The following RABGAP1L variants were observed in gnomAD, a reference collection of about 807,000 sequenced individuals.
The protein encoded by RABGAP1L is RAB GTPase activating protein 1 like.
RABGAP1L carries 63 observed loss-of-function variants against 137.7 expected under a neutral mutation model. The observed-to-expected ratio is 0.46, with a 90% CI of 0.37 to 0.56. The LOEUF (loss-of-function observed/expected upper bound fraction) is 0.56. RABGAP1L is among the 20% of genes least tolerant of loss of function. The pLI, the probability that RABGAP1L is intolerant of heterozygous loss-of-function variation, is 0.00. For synonymous variants in RABGAP1L, 431 were observed against 433.7 expected (o/e 0.99, Z 0.08); for missense variants, 1,095 against 1,244.0 (o/e 0.88, Z 1.80).
At chr1:174,830,047 A>C (rs1441166308) in intron 19 of RABGAP1L, among the ~76,000 whole-genome samples, 1 of 148,106 alleles carries the variant, frequency 6.8e-6, no homozygotes, top group African/African-American at 2.5e-5. Context: ...GGTAGCATTC[A>C]ACTGTTGGAA....
At chr1:174,611,568 A>G (rs1384126941) in intron 13 of RABGAP1L, among the ~76,000 whole-genome samples, 6 of 149,378 alleles carry the variant, frequency 4.0e-5, no homozygotes, top group Non-Finnish European at 7.4e-5. Flanking sequence ...TGAACTTTAA[A>G]GTAGTTTTTT....
intron 13 of RABGAP1L, among the ~76,000 whole-genome samples, chr1:174,418,910 C>T (rs1478840639): frequency 2.6e-5 from 4 of 152,042 alleles, no homozygotes; most frequent in Non-Finnish European, 5.9e-5. Context: ...TGGTAGTGTG[C>T]ACCTGTAATC....
chr1:174,602,718 G>A (rs1167688783), intron 13 of RABGAP1L, among the ~76,000 whole-genome samples: 1 of 151,836 alleles, frequency 6.6e-6, no homozygotes, highest in African/African-American at 2.4e-5. Flanking sequence ...TGATCAGTTC[G>A]ACTATTGAGA....
intron 13 of RABGAP1L, among the ~76,000 whole-genome samples, chr1:174,518,346 T>C (rs57512497): frequency 0.21 from 31,846 of 152,072 alleles, 3,679 homozygotes; most frequent in Admixed American, 0.25. Flanking sequence ...TGCTCAAGTC[T>C]CTTATATTAA....
chr1:174,560,720 C>A (rs906830915), intron 13 of RABGAP1L, among the ~76,000 whole-genome samples: 3 of 152,110 alleles, frequency 2.0e-5, no homozygotes, highest in African/African-American at 7.2e-5. Flanking sequence ...CCTTCGCACC[C>A]TCCCCCTTCT....
chr1:174,206,201 G>T (rs2148413073), intron 1 of RABGAP1L, among the ~76,000 whole-genome samples: 1 of 152,278 alleles, frequency 6.6e-6, no homozygotes, highest in South Asian at 2.1e-4. Context: ...CTTATTCGCA[G>T]AATAAGATGT....
At chr1:174,192,536 G>A (rs1667285479) in intron 1 of RABGAP1L, among the ~76,000 whole-genome samples, 3 of 152,068 alleles carry the variant, frequency 2.0e-5, no homozygotes, top group East Asian at 1.9e-4. Flanking sequence ...TTGCCAGACT[G>A]GTCTCGAACT....
chr1:174,219,129 T>C lies in RABGAP1L; in HGVS notation c.-29T>C, dbSNP rs1238910235. 3 of 1,563,372 alleles carry C rather than the reference T, an allele frequency of 1.9e-6. No homozygotes were observed. The highest frequency in any genetic ancestry group is 1.7e-6 in the Non-Finnish European group (2 of 1,156,326). ...TAATCCCTTTTGTTTTTCCAGGTGG[T>C]TGTGGGAAGAGAAGTTTGCAGAACT... On this transcript the variant is annotated 5_prime_UTR_variant, in exon 2 of 26. Transcript: ENST00000681986.
At chr1:174,931,984 T>C (rs1456299065) in intron 19 of RABGAP1L, among the ~76,000 whole-genome samples, 2 of 135,920 alleles carry the variant, frequency 1.5e-5, no homozygotes, top group African/African-American at 5.5e-5. Context: ...TTAGACTGCT[T>C]TTTTGGTTTT....
intron 13 of RABGAP1L, among the ~76,000 whole-genome samples, chr1:174,456,239 G>C (rs1656027529): frequency 6.6e-6 from 1 of 151,900 alleles, no homozygotes; most frequent in African/African-American, 2.4e-5. Flanking sequence ...TATCCATAGA[G>C]GGTAATAAAA....
chr1:174,321,267 A>C (rs1679948388), intron 11 of RABGAP1L, among the ~76,000 whole-genome samples: 1 of 152,188 alleles, frequency 6.6e-6, no homozygotes, highest in Non-Finnish European at 1.5e-5. Flanking sequence ...GTGGGGCATG[A>C]AACTTCATTA....
intron 13 of RABGAP1L, among the ~76,000 whole-genome samples, chr1:174,478,467 G>T (rs1658743804): frequency 6.6e-6 from 1 of 151,830 alleles, no homozygotes; most frequent in South Asian, 2.1e-4. Flanking sequence ...TTAAGAGATG[G>T]TGTCTCACTG....
intron 12 of RABGAP1L, among the ~76,000 whole-genome samples, chr1:174,380,658 G>A (rs1444958980): frequency 1.3e-5 from 2 of 151,038 alleles, no homozygotes; most frequent in African/African-American, 2.4e-5. Flanking sequence ...TTTTTATTGT[G>A]TCTATTTGAT....
intron 1 of RABGAP1L, among the ~76,000 whole-genome samples, chr1:174,184,415 T>G (rs1666639194): frequency 1.3e-5 from 2 of 152,120 alleles, no homozygotes; most frequent in African/African-American, 4.8e-5. Context: ...TACCAGGGAG[T>G]GCAATTGTGG....
At chr1:174,798,062 A>C in intron 18 of RABGAP1L, among the ~76,000 whole-genome samples, 1 of 151,790 alleles carries the variant, frequency 6.6e-6, no homozygotes, top group African/African-American at 2.4e-5. Context: ...GGATCCTCCC[A>C]CCTCAGCCTC....
chr1:174,508,416 A>T (rs976935422), intron 13 of RABGAP1L, among the ~76,000 whole-genome samples: 17 of 152,186 alleles, frequency 1.1e-4, no homozygotes, highest in African/African-American at 4.1e-4. Flanking sequence ...TTTGTTATTA[A>T]ATGTCAGGAT....
At chr1:174,532,077 A>G (rs1664456510) in intron 13 of RABGAP1L, among the ~76,000 whole-genome samples, 1 of 152,118 alleles carries the variant, frequency 6.6e-6, no homozygotes, top group South Asian at 2.1e-4. Context: ...ATCTAGTATG[A>G]GTAAGAGAGG....
intron 13 of RABGAP1L, among the ~76,000 whole-genome samples, chr1:174,529,735 C>A (rs1288486747): frequency 1.3e-5 from 2 of 152,094 alleles, no homozygotes; most frequent in African/African-American, 4.8e-5. Flanking sequence ...GCGGGACAAC[C>A]CTCTGGTTCC....
At chr1:174,781,037 C>A (rs1686962420) in intron 18 of RABGAP1L, among the ~76,000 whole-genome samples, 1 of 152,120 alleles carries the variant, frequency 6.6e-6, no homozygotes, top group Non-Finnish European at 1.5e-5. Context: ...CATACATGTG[C>A]ATGTATCCTT....
Sources: gnomAD v4.1 joint callset for allele counts (sites outside exome capture counted in the v4.1 genomes callset) on GRCh38, gnomAD v4.1.1 for gene constraint, MANE v1.5 for transcripts, NCBI Gene and HGNC (gene_info 2026-07-23, HGNC 2026-07-21) for gene names.